Variants in SASH1 observed in about 807,000 individuals in gnomAD.
The protein encoded by SASH1 is SAM and SH3 domain containing 1.
SASH1 carries 44 observed loss-of-function variants against 125.2 expected under a neutral mutation model. The observed-to-expected ratio is 0.35, with a 90% CI of 0.28 to 0.45. The LOEUF (loss-of-function observed/expected upper bound fraction) is 0.45, where lower values mean the gene tolerates loss of function less well. Among genes scored for constraint, SASH1 ranks in the 20% least tolerant of loss-of-function variants. The pLI, the probability that SASH1 is intolerant of heterozygous loss-of-function variation, is 1.00. For missense variants in SASH1, 1,426 were observed against 1,614.5 expected, an observed-to-expected ratio of 0.88 and a Z score of 2.00; for synonymous variants, 639 against 649.1, an observed-to-expected ratio of 0.98 and a Z score of 0.24.
At chr6:148,244,966 G>C in the SASH1 span, among the ~76,000 whole-genome samples, 1 of 148,882 alleles carries the variant, frequency 6.7e-6, no homozygotes, top group African/African-American at 2.5e-5. Context: ...GTGTGAGAGA[G>C]AGAGAGAGAG....
At chr6:148,505,295 G>A (rs577938570) in intron 8 of SASH1, among the ~76,000 whole-genome samples, 10 of 152,264 alleles carry the variant, frequency 6.6e-5, no homozygotes, top group Non-Finnish European at 1.2e-4. Flanking sequence ...GCTTTCACAC[G>A]TAAAAAGGTT....
intron 1 of SASH1, among the ~76,000 whole-genome samples, chr6:148,376,162 A>T (rs1323512575): frequency 6.6e-6 from 1 of 152,010 alleles, no homozygotes; most frequent in Non-Finnish European, 1.5e-5. Context: ...TGCCTTCTGG[A>T]TTCAAGCAAT....
intron 8 of SASH1, among the ~76,000 whole-genome samples, chr6:148,505,301 AG>A (rs1779736567): frequency 6.6e-6 from 1 of 152,128 alleles, no homozygotes; most frequent in South Asian, 2.1e-4. Flanking sequence ...ACACGTAAAA[AG>A]GTTGTTGGTT....
At chr6:148,434,911 T>G (rs992727560) in intron 2 of SASH1, among the ~76,000 whole-genome samples, 1 of 152,120 alleles carries the variant, frequency 6.6e-6, no homozygotes, top group African/African-American at 2.4e-5. Flanking sequence ...ATTCAGAAAT[T>G]TTAAAGGATG....
chr6:148,414,856 C>A (rs1364099920), intron 2 of SASH1, among the ~76,000 whole-genome samples: 1 of 152,056 alleles, frequency 6.6e-6, no homozygotes, highest in East Asian at 1.9e-4. Flanking sequence ...CTTGGCCAGG[C>A]TGGTCTTGAA....
intron 1 of SASH1, among the ~76,000 whole-genome samples, chr6:148,371,999 C>T (rs17712470): frequency 2.0e-5 from 3 of 151,962 alleles, no homozygotes; most frequent in East Asian, 3.9e-4. Flanking sequence ...TCATTTATGA[C>T]CTGGCTATGC....
chr6:148,533,997 T>C lies in SASH1; in HGVS notation c.1944+17T>C, dbSNP rs1242157071. ...AACCTAAAAGTCAGTCGCTTCTGATTCTTGTCACACGCTACTACCTCACTG... is the reference window on the plus strand; with the variant it reads ...AACCTAAAAGTCAGTCGCTTCTGATCCTTGTCACACGCTACTACCTCACTG... On this transcript the variant is annotated intron_variant, in intron 15 of 19. Transcript: ENST00000367467. The surrounding 1 kb of genome is among the most constrained non-coding windows in gnomAD (Gnocchi z 6.2). The C allele has an allele frequency of 6.2e-7, 1 of 1,610,554 alleles. No individual in the cohort carries two copies. The highest frequency in any genetic ancestry group is 1.3e-5 in the African/African-American group (1 of 74,974).
In SASH1 at chr6:148,469,423, A is replaced by G. The variant is rs1397052768; in HGVS notation, c.427+838A>G. On this transcript the variant is annotated intron_variant, in intron 5 of 19. Transcript: ENST00000367467. The stretch of plus-strand genomic sequence containing the variant: ...AAAATGGGAGAAGGGAGAAGGGAAT[A>G]TAGCTTATAGTCAAAGAAATATATT... 2.6e-5 allele frequency among the ~76,000 whole-genome samples: 4 copies of G among 152,336 alleles called. No homozygotes were observed. The South Asian group carries it at 8.3e-4, about 32-fold the overall frequency.
At chr6:148,423,559 C>T (rs1317024118) in intron 2 of SASH1, among the ~76,000 whole-genome samples, 1 of 152,208 alleles carries the variant, frequency 6.6e-6, no homozygotes, top group Non-Finnish European at 1.5e-5. Context: ...TTTGATCAGG[C>T]TGCATAATTT....
At chr6:148,407,706 C>T (rs1784432320) in intron 2 of SASH1, among the ~76,000 whole-genome samples, 1 of 152,192 alleles carries the variant, frequency 6.6e-6, no homozygotes, top group Non-Finnish European at 1.5e-5. Flanking sequence ...AGTCTCGGCT[C>T]ACTGCAACCT....
intron 1 of SASH1, among the ~76,000 whole-genome samples, chr6:148,363,395 G>T (rs1006110599): frequency 5.9e-5 from 9 of 151,848 alleles, no homozygotes; most frequent in Non-Finnish European, 1.3e-4. Flanking sequence ...GCCTGCCTGG[G>T]CCTCCCAACA....
chr6:148,304,075 TG>T (rs1780051597), intron 1 of SASH1, among the ~76,000 whole-genome samples: 1 of 150,744 alleles, frequency 6.6e-6, no homozygotes, highest in African/African-American at 2.4e-5. Context: ...GAGGCCGAGG[TG>T]GGTGGATCAC....
rs548973949 is a variant in SASH1 at position 148,513,384 on chromosome 6, G to T, written c.730-940G>T. On this transcript the variant is annotated intron_variant, in intron 8 of 19. Coordinates refer to ENST00000367467, the MANE Select transcript of SASH1 (RefSeq NM_015278.5). ...TGCTCCCAGGCATGCCCACGCACCC[G>T]TGTTGCACACTCGTTTAGTCAGAGA... The T allele has an allele frequency of 5.1e-6, 5 of 985,466 alleles. No individual in the cohort carries two copies. In the East Asian group the frequency reaches 5.7e-4, roughly 112 times the overall value. 61.0% of individuals were successfully genotyped at this position (985,466 alleles called of 1,614,324 possible). A position where few individuals can be genotyped will look rare whatever the true frequency, so the allele number is the denominator to read the frequency against.
chr6:148,373,276 G>T (rs1348928604), intron 1 of SASH1, among the ~76,000 whole-genome samples: 1 of 152,174 alleles, frequency 6.6e-6, no homozygotes, highest in Non-Finnish European at 1.5e-5. Context: ...TGAGAAGAGG[G>T]TATTTGAGTA....
chr6:148,251,014 A>G, the SASH1 span, among the ~76,000 whole-genome samples: 1 of 152,202 alleles, frequency 6.6e-6, no homozygotes, highest in Non-Finnish European at 1.5e-5. Flanking sequence ...ACAATAAAAG[A>G]GTCATCCTTA....
chr6:148,490,444 G>C (rs1403450588), intron 8 of SASH1, among the ~76,000 whole-genome samples: 1 of 152,118 alleles, frequency 6.6e-6, no homozygotes, highest in East Asian at 1.9e-4. Context: ...TCCTGACCTT[G>C]TGATCCACCC....
intron 6 of SASH1, among the ~76,000 whole-genome samples, chr6:148,472,620 G>A (rs1583215592): frequency 6.6e-6 from 1 of 152,118 alleles, no homozygotes; most frequent in Admixed American, 6.6e-5. Flanking sequence ...AATCAACCCA[G>A]CAGGCTTCTC....
chr6:148,305,671 C>T (rs1780110255), intron 1 of SASH1, among the ~76,000 whole-genome samples: 1 of 149,382 alleles, frequency 6.7e-6, no homozygotes, highest in Non-Finnish European at 1.5e-5. Context: ...AGAAAATGAT[C>T]TCTCTTTCAG....
At chr6:148,346,935 A>T (rs1034483730) in intron 1 of SASH1, among the ~76,000 whole-genome samples, 2 of 152,188 alleles carry the variant, frequency 1.3e-5, no homozygotes, top group Non-Finnish European at 2.9e-5. Flanking sequence ...TCTCCCTGTG[A>T]CATGTGTAGA....
Sources: allele counts gnomAD v4.1 joint callset (sites outside exome capture counted in the v4.1 genomes callset), GRCh38; gene constraint gnomAD v4.1.1; non-coding constraint Gnocchi (gnomAD v3.1); transcripts MANE v1.5; gene names NCBI Gene and HGNC (gene_info 2026-07-23, HGNC 2026-07-21).